Variants in SLC5A11 observed in about 807,000 individuals in gnomAD.
SLC5A11 encodes solute carrier family 5 member 11, also known as sodium/myo-inositol cotransporter 2.
SLC5A11 carries 48 observed loss-of-function variants against 69.8 expected under a neutral mutation model. That is an observed-to-expected ratio of 0.69 (90% CI 0.55 to 0.87). The LOEUF (loss-of-function observed/expected upper bound fraction) is 0.87, where lower values mean the gene tolerates loss of function less well. Ranked by LOEUF, SLC5A11 falls within the 40% of genes least tolerant of loss-of-function variation. The pLI is 0.00. For missense variants in SLC5A11, 784 were observed against 866.1 expected (o/e 0.91, Z 1.19); for synonymous variants, 319 against 342.4 (o/e 0.93, Z 0.75).
chr16:24,906,439 C>G (rs140749466), intron 10 of SLC5A11, among the ~76,000 whole-genome samples: 2 of 152,002 alleles, frequency 1.3e-5, no homozygotes, highest in South Asian at 4.2e-4. Flanking sequence ...TTTTCCAGCA[C>G]TTCCTATAAA....
intron 10 of SLC5A11, 46 bp from the exon 12 acceptor site, chr16:24,906,611 T>G (rs2050079413): frequency 7.4e-7 from 1 of 1,353,838 alleles, no homozygotes; most frequent in Admixed American, 2.1e-5. Context: ...GGCCTGGGGC[T>G]CTGGGGGCCT....
At chr16:24,890,495 AAAAAAAAAAAAAAAAAAAAAGAAG>A (rs1432117858) in intron 8 of SLC5A11, among the ~76,000 whole-genome samples, 2 of 61,120 alleles carry the variant, frequency 3.3e-5, no homozygotes, top group Non-Finnish European at 3.5e-5. Flanking sequence ...AAAAAAAAAA[AAAAAAAAAAAAAAAAAAAAAGAAG>A]GAAGGAAGGA....
At position 24,908,956 on chromosome 16, in the gene SLC5A11, C is replaced by T. The variant is rs749553266; in HGVS notation, c.1510C>T (p.Pro504Ser). 7 of 1,613,960 alleles carry T rather than the reference C, an allele frequency of 4.3e-6. No individual in the cohort carries two copies. In the Admixed American group the frequency reaches 8.3e-5, roughly 19 times the overall value. The change falls in exon 14 of 16, where the codon CCT (proline) becomes TCT (serine). Residue 504 changes from proline to serine, a missense_variant. By Grantham distance (74) the Pro-to-Ser change is moderately conservative. Coordinates refer to ENST00000347898, the Ensembl canonical transcript of SLC5A11. ...GGTCCTGGACTTTATTTACGTGCAG[C>T]CTCGATGCGACCAGCCAGATGAGCG...
chr16:24,906,696 T>A, exon 11 of SLC5A11: 13 of 1,613,442 alleles, frequency 8.1e-6, no homozygotes, highest in Non-Finnish European at 1.1e-5. Context: ...TGCCAGAAGA[T>A]CTGCAGCAAC....
At chr16:24,877,174 T>C in intron 6 of SLC5A11, 84 bp from the exon 8 acceptor site, 2 of 1,574,344 alleles carry the variant, frequency 1.3e-6, no homozygotes, top group Non-Finnish European at 1.7e-6. Context: ...GGCTAGGCCC[T>C]GATCCCAGGG....
At chr16:24,895,181 A>T (rs563394374) in intron 9 of SLC5A11, among the ~76,000 whole-genome samples, 14 of 152,038 alleles carry the variant, frequency 9.2e-5, no homozygotes, top group African/African-American at 3.4e-4. Context: ...CCCTTTTAGG[A>T]TCTGATGGTT....
intron 3 of SLC5A11, among the ~76,000 whole-genome samples, chr16:24,863,184 C>T (rs1037581594): frequency 8.0e-5 from 12 of 150,114 alleles, no homozygotes; most frequent in African/African-American, 2.7e-4. Context: ...CATAGAAAAG[C>T]AGGGAATCAT....
Position 24,862,825 on chromosome 16 carries a change from G to A in SLC5A11, c.207+153G>A, listed in dbSNP as rs769685402. Among the ~76,000 whole-genome samples the A allele has an allele frequency of 1.4e-4, 21 of 149,310 alleles. No homozygotes were observed. The East Asian group carries it at 1.9e-3, about 14-fold the overall frequency. ...GAAGGCTTAGCTCCAGCTCAAATTC[G>A]TTTAAACAACAACAAAAAAAAACAA... On this transcript the variant is annotated intron_variant, in intron 3 of 15. Transcript: ENST00000347898.
At chr16:24,853,344 A>G (rs1331857245) in intron 1 of SLC5A11, among the ~76,000 whole-genome samples, 1 of 152,084 alleles carries the variant, frequency 6.6e-6, no homozygotes, top group Non-Finnish European at 1.5e-5. Context: ...CCTGGTACAT[A>G]GTTGATGCCT....
At chr16:24,863,300 T>C (rs75337919) in intron 3 of SLC5A11, among the ~76,000 whole-genome samples, 11,530 of 151,890 alleles carry the variant, frequency 0.076, 884 homozygotes, top group East Asian at 0.27. Context: ...TCATCCACAT[T>C]TGGGGGGCTT....
At chr16:24,908,705 A>G (rs1193559401) in intron 13 of SLC5A11, among the ~76,000 whole-genome samples, 176 bp from the exon 15 acceptor site, 2 of 151,826 alleles carry the variant, frequency 1.3e-5, no homozygotes, top group Admixed American at 1.3e-4. Context: ...GTAAACTATT[A>G]GTAATCAATT....
At chr16:24,860,014 G>A (rs756733501) in intron 2 of SLC5A11, among the ~76,000 whole-genome samples, 5 of 150,214 alleles carry the variant, frequency 3.3e-5, no homozygotes, top group Admixed American at 6.6e-5. Flanking sequence ...GGCCAGGCGC[G>A]GTGGCTCACG....
At chr16:24,873,255 A>G (rs867509198) in intron 5 of SLC5A11, among the ~76,000 whole-genome samples, 2 of 117,290 alleles carry the variant, frequency 1.7e-5, no homozygotes, top group Admixed American at 8.2e-5. Context: ...GGGAGGAAGG[A>G]AGGAAGGAAG....
chr16:24,906,802 C>A, intron 11 of SLC5A11, 38 bp downstream of exon 12: 2 of 1,556,724 alleles, frequency 1.3e-6, no homozygotes, highest in Non-Finnish European at 8.8e-7. Context: ...TCCCCTGGAG[C>A]ACCCAGAAAG....
intron 1 of SLC5A11, among the ~76,000 whole-genome samples, chr16:24,856,872 G>A (rs1394844865): frequency 6.6e-6 from 1 of 152,126 alleles, no homozygotes; most frequent in Non-Finnish European, 1.5e-5. Context: ...CCAGGCTGGA[G>A]TGCAGTGGTA....
intron 10 of SLC5A11, among the ~76,000 whole-genome samples, chr16:24,898,486 A>C (rs970868258): frequency 6.7e-6 from 1 of 150,010 alleles, no homozygotes; most frequent in Non-Finnish European, 1.5e-5. Context: ...CTGAGATTGC[A>C]GGTGTGAGCC....
exon 9 of SLC5A11, chr16:24,890,933 C>A (rs200273165): frequency 3.1e-6 from 5 of 1,614,172 alleles, no homozygotes; most frequent in Non-Finnish European, 4.2e-6. Context: ...TGGCTAGCAA[C>A]CGGAGTGAGA....
intron 10 of SLC5A11, among the ~76,000 whole-genome samples, chr16:24,906,107 A>G (rs531130752): frequency 1.1e-4 from 17 of 152,262 alleles, no homozygotes; most frequent in Non-Finnish European, 2.1e-4. Context: ...TGAGTTAATG[A>G]TCATGGACGG....
At chr16:24,884,776 T>A (rs1366795882) in intron 8 of SLC5A11, among the ~76,000 whole-genome samples, 1 of 152,104 alleles carries the variant, frequency 6.6e-6, no homozygotes, top group Admixed American at 6.6e-5. Flanking sequence ...GGTATCACTC[T>A]GCCACCCAGG....
Sources: allele counts gnomAD v4.1 joint callset (sites outside exome capture counted in the v4.1 genomes callset), GRCh38; gene constraint gnomAD v4.1.1; transcripts MANE v1.5; gene names NCBI Gene and HGNC (gene_info 2026-07-23, HGNC 2026-07-21).